The following EFCAB6 variants were observed in gnomAD, a reference collection of about 807,000 sequenced individuals.
The protein encoded by EFCAB6 is EF-hand calcium binding domain 6.
EFCAB6 carries 156 observed loss-of-function variants against 169.8 expected under a neutral mutation model. The observed-to-expected ratio is 0.92, with a 90% CI of 0.81 to 1.05. The LOEUF (loss-of-function observed/expected upper bound fraction) is 1.05, where lower values mean the gene tolerates loss of function less well. Among genes scored for constraint, EFCAB6 ranks in the 50% least tolerant of loss-of-function variants. EFCAB6 has a pLI of 0.00. For synonymous variants in EFCAB6, 698 were observed against 676.4 expected (o/e 1.03, Z -0.50); for missense variants, 1,800 against 1,829.1 (o/e 0.98, Z 0.29).
intron 8 of EFCAB6, among the ~76,000 whole-genome samples, chr22:43,720,659 G>A (rs1603276338): frequency 6.6e-6 from 1 of 151,826 alleles, no homozygotes; most frequent in Non-Finnish European, 1.5e-5. Context: ...GAGGAAGGGA[G>A]GGAGGAAGAA....
At chr22:43,604,897 A>G (rs963113710) in intron 22 of EFCAB6, among the ~76,000 whole-genome samples, 3 of 152,146 alleles carry the variant, frequency 2.0e-5, no homozygotes, top group Middle Eastern at 3.2e-3. Flanking sequence ...ATCTCCACGG[A>G]TATTTCCGAG....
intron 12 of EFCAB6, among the ~76,000 whole-genome samples, chr22:43,681,425 G>A (rs2058001418): frequency 6.6e-6 from 1 of 152,134 alleles, no homozygotes; most frequent in Non-Finnish European, 1.5e-5. Flanking sequence ...CTTTTCTTGT[G>A]ATGCCTTTGC....
chr22:43,774,508 G>C (rs552759040), intron 3 of EFCAB6, among the ~76,000 whole-genome samples: 18 of 151,670 alleles, frequency 1.2e-4, no homozygotes, highest in Non-Finnish European at 2.5e-4. Flanking sequence ...AGGGCCCAGC[G>C]CACGCAGGGC....
chr22:43,665,768 A>C (rs2057218981), intron 17 of EFCAB6, among the ~76,000 whole-genome samples: 1 of 152,092 alleles, frequency 6.6e-6, no homozygotes, highest in South Asian at 2.1e-4. Context: ...ATGACTTAAA[A>C]CATTTCCTCT....
chr22:43,636,022 A>T lies in EFCAB6; in HGVS notation c.1984-806T>A, dbSNP rs561536586. Among the ~76,000 whole-genome samples, 4 of 152,364 alleles carry T rather than the reference A, an allele frequency of 2.6e-5. No homozygotes were observed. The South Asian group carries it at 8.3e-4, about 32-fold the overall frequency. Reference sequence around the variant, plus strand: ...AAGGCACCACCTCTGCTGATCTCAGAGTATTCACAATCCAAATGGGAAAAC... The same window carrying T: ...AAGGCACCACCTCTGCTGATCTCAGTGTATTCACAATCCAAATGGGAAAAC... On this transcript the variant is annotated intron_variant, in intron 17 of 31. Transcript: ENST00000262726.
chr22:43,649,295 A>G (rs2056346322), intron 17 of EFCAB6, among the ~76,000 whole-genome samples: 1 of 152,248 alleles, frequency 6.6e-6, no homozygotes, highest in African/African-American at 2.4e-5. Context: ...AATAATAATA[A>G]TAAATTCACT....
intron 26 of EFCAB6, among the ~76,000 whole-genome samples, chr22:43,564,493 C>T (rs967226324): frequency 6.6e-6 from 1 of 151,022 alleles, no homozygotes; most frequent in South Asian, 2.1e-4. Context: ...TCCTCCCTGG[C>T]GTCTGAGATA....
chr22:43,676,528 C>T (rs529272750), intron 13 of EFCAB6, among the ~76,000 whole-genome samples: 2 of 151,916 alleles, frequency 1.3e-5, no homozygotes, highest in South Asian at 4.2e-4. Flanking sequence ...GTGTAACTAT[C>T]GCTGAGTGTT....
Position 43,809,064 on chromosome 22 carries a change from A to G in EFCAB6, c.-77T>C, listed in dbSNP as rs1464214786. ...GTCCACATTCTCTCCCTGAAGAGTG[A>G]GGACATTAAGCCCACACTTTTGTCA... On this transcript the variant is annotated 5_prime_UTR_variant, in exon 2 of 32. Transcript: ENST00000262726. 6.6e-6 allele frequency: 1 copy of G among 152,214 alleles called. No individual in the cohort carries two copies. 9.4% of individuals were successfully genotyped at this position (152,214 alleles called of 1,614,324 possible).
intron 17 of EFCAB6, among the ~76,000 whole-genome samples, chr22:43,646,000 C>T (rs1226736115): frequency 6.6e-6 from 1 of 152,220 alleles, no homozygotes; most frequent in Non-Finnish European, 1.5e-5. Flanking sequence ...CTTGGGTCTA[C>T]ATACACATGT....
rs139975147 is a variant in EFCAB6, at chr22:43,793,380, C to T, written c.-7-11055G>A. Reference sequence around the variant, plus strand: ...AGATTCCAAAGGGCCAGATCTGGATCGTTCTGAAAATGGAGCCTATTGGGT... The same window carrying T: ...AGATTCCAAAGGGCCAGATCTGGATTGTTCTGAAAATGGAGCCTATTGGGT... On this transcript the variant is annotated intron_variant, in intron 2 of 31. Transcript: ENST00000262726. Among the ~76,000 whole-genome samples the T allele has an allele frequency of 4.7e-3, 719 of 152,228 alleles. 4 individuals are homozygous for T. Among genetic ancestry groups the T allele is most frequent in the African/African-American group, 0.016 (682 of 41,536 alleles).
intron 17 of EFCAB6, among the ~76,000 whole-genome samples, chr22:43,653,770 C>G (rs1219114894): frequency 6.6e-6 from 1 of 151,936 alleles, no homozygotes; most frequent in Non-Finnish European, 1.5e-5. Context: ...TTCTAGTGGC[C>G]CTGTCTTTGG....
intron 13 of EFCAB6, among the ~76,000 whole-genome samples, chr22:43,676,188 T>C (rs1002985447): frequency 6.6e-6 from 1 of 151,644 alleles, no homozygotes; most frequent in Admixed American, 6.6e-5. Flanking sequence ...GAGGCCGAGG[T>C]GGGCAGATCA....
intron 27 of EFCAB6, among the ~76,000 whole-genome samples, chr22:43,551,031 T>C (rs139731253): frequency 4.6e-5 from 7 of 150,758 alleles, no homozygotes; most frequent in African/African-American, 1.7e-4. Context: ...GACTGTTGGA[T>C]TTTTTAAAGT....
rs1213583698 is a variant in EFCAB6, at chr22:43,572,069, G to T, written c.3420+4228C>A. On this transcript the variant is annotated intron_variant, in intron 26 of 31. Coordinates refer to ENST00000262726, the MANE Select transcript of EFCAB6 (RefSeq NM_022785.4). This position sits in a 1 kb window ranked among gnomAD's most constrained non-coding sequence, Gnocchi z 4.0. Reference sequence around the variant, plus strand: ...ACAGGGCAGGAGGTGGCCGGTGCAGGGATGCGTGCTGCAGGGACAGTGCCA... The same window carrying T: ...ACAGGGCAGGAGGTGGCCGGTGCAGTGATGCGTGCTGCAGGGACAGTGCCA... Among the ~76,000 whole-genome samples, 1 of 152,170 alleles carries T rather than the reference G, an allele frequency of 6.6e-6. No homozygotes were observed. The highest frequency in any genetic ancestry group is 2.4e-5 in the African/African-American group (1 of 41,438).
At chr22:43,624,882 T>C (rs916082659) in intron 20 of EFCAB6, among the ~76,000 whole-genome samples, 20 of 152,212 alleles carry the variant, frequency 1.3e-4, no homozygotes, top group African/African-American at 4.8e-4. Context: ...ACTTTGCGGT[T>C]GAAATTTTCC....
chr22:43,595,029 CTCA>C (rs1195233348), intron 23 of EFCAB6, among the ~76,000 whole-genome samples: 1 of 151,956 alleles, frequency 6.6e-6, no homozygotes, highest in African/African-American at 2.4e-5. Context: ...TGAATGACCA[CTCA>C]TCAATGAAGA....
At chr22:43,789,378 G>A (rs1386388523) in intron 2 of EFCAB6, among the ~76,000 whole-genome samples, 1 of 152,162 alleles carries the variant, frequency 6.6e-6, no homozygotes, top group Non-Finnish European at 1.5e-5. Context: ...CAAGGGAGAC[G>A]TTGCTTCCGT....
At chr22:43,786,837 C>A (rs1026576078) in intron 2 of EFCAB6, among the ~76,000 whole-genome samples, 1 of 151,992 alleles carries the variant, frequency 6.6e-6, no homozygotes, top group Non-Finnish European at 1.5e-5. Context: ...AATGCAGCAA[C>A]ATATTTTTAA....
Sources: allele counts gnomAD v4.1 joint callset (sites outside exome capture counted in the v4.1 genomes callset), GRCh38; gene constraint gnomAD v4.1.1; non-coding constraint Gnocchi (gnomAD v3.1); transcripts MANE v1.5; gene names NCBI Gene and HGNC (gene_info 2026-07-23, HGNC 2026-07-21).